The following CERS4 variants were observed in gnomAD, a reference collection of about 807,000 sequenced individuals.
CERS4 encodes LAG1 homolog, ceramide synthase 4.
A neutral mutation model predicts 51.8 loss-of-function variants in CERS4; 65 were observed. The ratio of observed to expected loss-of-function variants is 1.26; its 90% CI spans 1.03 to 1.54. The LOEUF (loss-of-function observed/expected upper bound fraction) is 1.54. Among genes scored for constraint, CERS4 ranks in the 40% most tolerant of loss-of-function variants. The probability of loss-of-function intolerance (pLI) is 0.00; values close to 1 mark genes in which losing one functional copy is unlikely to be tolerated. For synonymous variants in CERS4, 228 were observed against 208.4 expected, an observed-to-expected ratio of 1.09 and a Z score of -0.81; for missense variants, 563 against 500.4, an observed-to-expected ratio of 1.13 and a Z score of -1.19.
chr19:8,223,180 A>T (rs1307642504), intron 2 of CERS4, among the ~76,000 whole-genome samples: 1 of 151,664 alleles, frequency 6.6e-6, no homozygotes, highest in Non-Finnish European at 1.5e-5. Flanking sequence ...CCAAAAAAAA[A>T]AATTAGCTGG....
chr19:8,220,865 G>A (rs1272026949), intron 2 of CERS4, among the ~76,000 whole-genome samples: 47 of 147,904 alleles, frequency 3.2e-4, no homozygotes, highest in Admixed American at 1.8e-3. Flanking sequence ...TCTGTCACCC[G>A]GGCTGGAGTA....
intron 2 of CERS4, among the ~76,000 whole-genome samples, chr19:8,229,354 T>A (rs184099773): frequency 6.6e-6 from 1 of 152,212 alleles, no homozygotes; most frequent in East Asian, 1.9e-4. Flanking sequence ...CTCACATGCA[T>A]GTGGACTATA....
At chr19:8,257,138 A>AGAGAT in intron 9 of CERS4, 61 bp downstream of exon 9, 1 of 1,511,404 alleles carries the variant, frequency 6.6e-7, no homozygotes, top group South Asian at 1.3e-5. Context: ...CAGGTGCCCC[A>AGAGAT]GAGATGAGGT....
chr19:8,248,092 G>C (rs552400069), intron 2 of CERS4, among the ~76,000 whole-genome samples: 1 of 152,218 alleles, frequency 6.6e-6, no homozygotes, highest in South Asian at 2.1e-4. Context: ...GCCTCTCCTT[G>C]ATCACATTTA....
rs1969055592 is a variant in CERS4 at position 8,251,130 on chromosome 19, C to T, written c.54C>T (p.Pro18=). 4 of 1,612,240 alleles carry T rather than the reference C, an allele frequency of 2.5e-6. No homozygotes were observed. The highest frequency in any genetic ancestry group is 3.4e-6 in the Non-Finnish European group (4 of 1,179,352). Residue 18 remains proline (P), a synonymous_variant, in exon 3 of 12, where the codon CCC becomes CCT. Transcript: ENST00000251363. The part of the protein sequence containing the change: ...WFWQDRFWLP[P]NVTWTELEDR... Reference sequence around the variant, plus strand: ...GGCAGGACAGGTTCTGGTTACCACCCAATGTCACGTGGACAGAGCTAGAAG... The same window carrying T: ...GGCAGGACAGGTTCTGGTTACCACCTAATGTCACGTGGACAGAGCTAGAAG...
chr19:8,251,329 T>C (rs1568530274), intron 3 of CERS4, 80 bp downstream of exon 3: 3 of 1,470,188 alleles, frequency 2.0e-6, no homozygotes, highest in South Asian at 1.4e-5. Context: ...AATTTGCCAT[T>C]GCAGCATGTC....
At chr19:8,243,367 A>G (rs1172283987) in intron 2 of CERS4, among the ~76,000 whole-genome samples, 2 of 151,896 alleles carry the variant, frequency 1.3e-5, no homozygotes, top group African/African-American at 2.4e-5. Flanking sequence ...GCTAGTGAAG[A>G]TGATTTCTTT....
Position 8,255,886 on chromosome 19 carries a change from A to G in CERS4, c.468+7A>G. ...CCTCTCGGTCCTGTACCACGTGAGT[A>G]TACCAGAGTATAGCTGACTGCTCAC... On this transcript the variant is annotated splice_region_variant and intron_variant, in intron 6 of 11. Transcript: ENST00000251363. 3.1e-6 allele frequency: 5 copies of G among 1,613,658 alleles called. No individual in the cohort carries two copies. Among genetic ancestry groups the G allele is most frequent in the Non-Finnish European group, 4.2e-6 (5 of 1,179,904 alleles).
chr19:8,217,062 A>C (rs1967331106), intron 2 of CERS4, among the ~76,000 whole-genome samples: 2 of 152,098 alleles, frequency 1.3e-5, no homozygotes, highest in South Asian at 4.1e-4. Context: ...AGGCCTCCAG[A>C]GGGTCAGACT....
rs1274039938 is a variant in CERS4, at chr19:8,224,373, C to T, written c.-2+13511C>T. Among the ~76,000 whole-genome samples, 5 of 148,320 alleles carry T rather than the reference C, an allele frequency of 3.4e-5. No homozygotes were observed. The South Asian group carries it at 1.1e-3, about 32-fold the overall frequency. ...GGTGAGTAGAGATTGTGCCACTGCACTCCAGCCTGGGTGACAGAGCGAGAC... is the reference window on the plus strand; with the variant it reads ...GGTGAGTAGAGATTGTGCCACTGCATTCCAGCCTGGGTGACAGAGCGAGAC... On this transcript the variant is annotated intron_variant, in intron 2 of 11. Transcript: ENST00000251363.
intron 2 of CERS4, among the ~76,000 whole-genome samples, chr19:8,236,695 A>G: frequency 8.2e-6 from 1 of 122,380 alleles, no homozygotes; most frequent in African/African-American, 3.1e-5. Context: ...AAAAAAAAAA[A>G]AAAAAAGAAA....
rs772630647 is a variant in CERS4 at position 8,251,179 on chromosome 19, C to T, written c.103C>T (p.His35Tyr). Residue 35 changes from histidine (H) to tyrosine (Y), a missense_variant, in exon 3 of 12, where the codon CAC (histidine) becomes TAC (tyrosine). By Grantham distance (83) the His-to-Tyr change is moderately conservative (BLOSUM62 2). Coordinates refer to ENST00000251363, the MANE Select transcript of CERS4 (RefSeq NM_024552.3). ...AGACCGGGATGGCCGTGTCTACCCC[C>T]ACCCCCAGGACTTGTTGGCAGCCCT... ...LEDRDGRVYP[H>Y]PQDLLAALPL... 16 of 1,613,502 alleles carry T rather than the reference C, an allele frequency of 9.9e-6. No homozygotes were observed. In the South Asian group the frequency reaches 1.3e-4, roughly 13 times the overall value.
intron 2 of CERS4, chr19:8,222,006 C>T (rs1159945377): frequency 2.1e-5 from 3 of 145,922 alleles, no homozygotes; most frequent in Non-Finnish European, 3.0e-5. Flanking sequence ...CTCAGCCTCC[C>T]AGTAGCTGGG....
chr19:8,257,618 T>C (rs1023893960), intron 9 of CERS4, among the ~76,000 whole-genome samples: 25 of 152,004 alleles, frequency 1.6e-4, no homozygotes, highest in Non-Finnish European at 3.2e-4. Flanking sequence ...GTAGTAGAGA[T>C]GGAGTTTCAC....
intron 9 of CERS4, 108 bp downstream of exon 9, chr19:8,257,185 A>G (rs36249): frequency 0.6 from 703,699 of 1,171,322 alleles, 214,480 homozygotes; most frequent in African/African-American, 0.76. Flanking sequence ...ATGGAGCCCC[A>G]CCCCTCCTGT....
intron 9 of CERS4, among the ~76,000 whole-genome samples, 197 bp from the exon 10 acceptor site, chr19:8,257,681 CA>C (rs1235154714): frequency 1.3e-5 from 2 of 152,196 alleles, no homozygotes; most frequent in African/African-American, 4.8e-5. Context: ...CTGCCTGCCT[CA>C]GCCTCCCAAA....
rs1555777253 is a variant in CERS4 at position 8,245,125 on chromosome 19, A to AACAAAAACAAACAAAC, written c.-1-5950_-1-5949insCAAAAACAAACAAACA. Reference sequence around the variant, plus strand: ...AGACTCCATCTCAAAAAAAAAAAAAAAAAAAAAAAACACTCTTGGCTTCAA... The same window carrying AACAAAAACAAACAAAC: ...AGACTCCATCTCAAAAAAAAAAAAAAACAAAAACAAACAAACAAAAAAAAAACACTCTTGGCTTCAA... On this transcript the variant is annotated intron_variant, in intron 2 of 11. Transcript: ENST00000251363. Among the ~76,000 whole-genome samples, 41 of 150,932 alleles carry AACAAAAACAAACAAAC rather than the reference A, an allele frequency of 2.7e-4. 1 individual carries two copies. Among genetic ancestry groups the AACAAAAACAAACAAAC allele is most frequent in the African/African-American group, 8.7e-4 (36 of 41,172 alleles).
chr19:8,221,888 T>A (rs1382800850), intron 2 of CERS4, among the ~76,000 whole-genome samples: 18 of 116,232 alleles, frequency 1.5e-4, no homozygotes, highest in African/African-American at 5.5e-4. Flanking sequence ...TTTTTTTTTT[T>A]TTTTTTTTTT....
chr19:8,230,990 C>G lies in CERS4; in HGVS notation c.-1-20086C>G, dbSNP rs987964427. ...AAGTAGCTGGGACTACAGGCTTATGCCACCACGCTCAGCTAATTTTTGTAT... is the reference window on the plus strand; with the variant it reads ...AAGTAGCTGGGACTACAGGCTTATGGCACCACGCTCAGCTAATTTTTGTAT... On this transcript the variant is annotated intron_variant, in intron 2 of 11. Coordinates refer to ENST00000251363, the MANE Select transcript of CERS4 (RefSeq NM_024552.3). 1.8e-4 allele frequency among the ~76,000 whole-genome samples: 27 copies of G among 152,242 alleles called. 1 individual carries two copies. In the East Asian group the frequency reaches 3.7e-3, roughly 21 times the overall value.
Sources: allele counts gnomAD v4.1 joint callset (sites outside exome capture counted in the v4.1 genomes callset), GRCh38; gene constraint gnomAD v4.1.1; transcripts MANE v1.5; gene names NCBI Gene and HGNC (gene_info 2026-07-23, HGNC 2026-07-21).